TOX2: variants seen among roughly 807,000 people sequenced by gnomAD.
TOX2 encodes TOX high mobility group box family member 2, also known as granulosa cell HMG box 1.
In TOX2, 15 loss-of-function variants were observed where a neutral mutation model predicts 47.4. The observed-to-expected ratio is 0.32, with a 90% CI of 0.21 to 0.49. The LOEUF (loss-of-function observed/expected upper bound fraction) is 0.49. TOX2 is among the 20% of genes least tolerant of loss of function. The pLI, the probability that TOX2 is intolerant of heterozygous loss-of-function variation, is 0.99. For missense variants in TOX2, 622 were observed against 673.1 expected (o/e 0.92, Z 0.84); for synonymous variants, 290 against 296.6 (o/e 0.98, Z 0.23).
At chr20:43,973,454 A>G in intron 2 of TOX2, 22 bp downstream of exon 2, 1 of 1,613,220 alleles carries the variant, frequency 6.2e-7, no homozygotes, top group Non-Finnish European at 8.5e-7. Flanking sequence ...ATCCTCCCTG[A>G]ACGGGTGTCT....
rs1030500806 is a variant in TOX2 at position 43,914,885 on chromosome 20, G to C, written c.-7G>C. 9.8e-7 allele frequency: 1 copy of C among 1,024,850 alleles called. No individual in the cohort carries two copies. Among genetic ancestry groups the C allele is most frequent in the Non-Finnish European group, 1.2e-6 (1 of 858,164 alleles). The allele number at this position is 1,024,850 out of a possible 1,614,324, so 63.5% of individuals were successfully genotyped here. On this transcript the variant is annotated 5_prime_UTR_variant, in exon 1 of 9. Coordinates refer to ENST00000341197, the MANE Select transcript of TOX2 (RefSeq NM_001098797.2). This position sits in a 1 kb window ranked among gnomAD's most constrained non-coding sequence, Gnocchi z 4.5. Reference sequence around the variant, plus strand: ...CGGGAGCCGCCGCCGCCGCCGCCGCGCCCGCCATGGACGTCCGCCTGTACC... The same window carrying C: ...CGGGAGCCGCCGCCGCCGCCGCCGCCCCCGCCATGGACGTCCGCCTGTACC...
intron 4 of TOX2, among the ~76,000 whole-genome samples, chr20:44,052,026 G>A (rs1007559707): frequency 9.2e-5 from 14 of 152,194 alleles, no homozygotes; most frequent in Non-Finnish European, 1.6e-4. Context: ...AGGTGTGGAC[G>A]GCTTCAGCAA....
chr20:43,986,256 A>AATGTATGTATGTATGTATGT (rs11274396), intron 2 of TOX2, among the ~76,000 whole-genome samples: 2,803 of 149,754 alleles, frequency 0.019, 41 homozygotes, highest in African/African-American at 0.031. Context: ...AGCCTTTTAA[A>AATGTATGTATGTATGTATGT]ATGTATGTAT....
chr20:43,947,148 G>A (rs1239280814), intron 1 of TOX2, among the ~76,000 whole-genome samples: 1 of 152,208 alleles, frequency 6.6e-6, no homozygotes, highest in African/African-American at 2.4e-5. Context: ...TAGCTATTGA[G>A]CACCTACTGT....
chr20:44,038,589 A>T (rs1208501988), intron 3 of TOX2, among the ~76,000 whole-genome samples: 8 of 152,160 alleles, frequency 5.3e-5, no homozygotes, highest in Non-Finnish European at 1.0e-4. Context: ...TGGGGGAAAA[A>T]AATTCCACCT....
intron 3 of TOX2, among the ~76,000 whole-genome samples, chr20:44,024,433 G>A (rs117956551): frequency 0.018 from 2,659 of 151,526 alleles, 34 homozygotes; most frequent in Non-Finnish European, 0.029. Flanking sequence ...CTTTCTTTTT[G>A]TAGATGTTTA....
chr20:44,017,696 A>G (rs2070904148), intron 3 of TOX2, among the ~76,000 whole-genome samples: 1 of 152,062 alleles, frequency 6.6e-6, no homozygotes, highest in Non-Finnish European at 1.5e-5. Context: ...ACCTACTTAA[A>G]CCCTTTCTAT....
At chr20:43,994,904 C>T (rs1363547516) in intron 2 of TOX2, among the ~76,000 whole-genome samples, 1 of 152,174 alleles carries the variant, frequency 6.6e-6, no homozygotes, top group South Asian at 2.1e-4. Flanking sequence ...ACAGAGCAGC[C>T]GTGGCTGGCA....
chr20:44,029,671 AC>A (rs1174258635), intron 3 of TOX2, among the ~76,000 whole-genome samples: 6 of 152,184 alleles, frequency 3.9e-5, no homozygotes, highest in Non-Finnish European at 8.8e-5. Flanking sequence ...TGATGGGAAC[AC>A]CTGCCCTCCA....
intron 3 of TOX2, among the ~76,000 whole-genome samples, chr20:44,025,189 T>C (rs977546397): frequency 6.6e-6 from 1 of 151,688 alleles, no homozygotes; most frequent in Non-Finnish European, 1.5e-5. Flanking sequence ...GAGGGTGGGA[T>C]CTCAGGAGAG....
chr20:43,954,723 G>A (rs956502051), intron 1 of TOX2, among the ~76,000 whole-genome samples: 4 of 152,150 alleles, frequency 2.6e-5, no homozygotes, highest in African/African-American at 9.7e-5. Flanking sequence ...CCCACTCCCT[G>A]TGCTGTCTAC....
At chr20:44,025,997 T>A (rs879438704) in intron 3 of TOX2, among the ~76,000 whole-genome samples, 1 of 151,930 alleles carries the variant, frequency 6.6e-6, no homozygotes, top group Admixed American at 6.6e-5. Flanking sequence ...CATAGTCCTC[T>A]GACGTGGCCA....
chr20:43,967,385 AGT>A (rs1247633017), intron 1 of TOX2, among the ~76,000 whole-genome samples: 3 of 152,154 alleles, frequency 2.0e-5, no homozygotes, highest in Non-Finnish European at 2.9e-5. Context: ...TTCCAGAGAA[AGT>A]GTGAATCGAG....
chr20:44,011,056 G>A (rs115889090), intron 3 of TOX2, among the ~76,000 whole-genome samples: 1,810 of 152,096 alleles, frequency 0.012, 36 homozygotes, highest in African/African-American at 0.041. Flanking sequence ...TCTTCACATC[G>A]CCTTCCCTCT....
intron 5 of TOX2, among the ~76,000 whole-genome samples, chr20:44,058,030 G>C (rs1010523837): frequency 6.8e-6 from 1 of 146,710 alleles, no homozygotes; most frequent in African/African-American, 2.7e-5. Flanking sequence ...GCTCCCACTC[G>C]GACAGACAGA....
chr20:43,970,366 TATTG>T (rs1383546515), intron 1 of TOX2, among the ~76,000 whole-genome samples: 13 of 152,352 alleles, frequency 8.5e-5, no homozygotes, highest in African/African-American at 2.4e-4. Context: ...ACCAAATATT[TATTG>T]ATTGTCTACT....
chr20:44,038,720 C>T (rs1384366521), intron 3 of TOX2, among the ~76,000 whole-genome samples: 1 of 151,950 alleles, frequency 6.6e-6, no homozygotes, highest in Admixed American at 6.5e-5. Flanking sequence ...TCGGAGGACG[C>T]AGGGTGGCTG....
At chr20:43,926,206 C>A (rs910108293) in intron 1 of TOX2, among the ~76,000 whole-genome samples, 1 of 152,080 alleles carries the variant, frequency 6.6e-6, no homozygotes, top group Non-Finnish European at 1.5e-5. Flanking sequence ...GGACCCTGGG[C>A]CCTTTATGTC....
At chr20:43,985,565 G>C (rs1197585675) in intron 2 of TOX2, among the ~76,000 whole-genome samples, 6 of 152,222 alleles carry the variant, frequency 3.9e-5, no homozygotes, top group African/African-American at 1.2e-4. Flanking sequence ...AGTAAATTAA[G>C]TGTGTTTATA....
Sources: allele counts gnomAD v4.1 joint callset (sites outside exome capture counted in the v4.1 genomes callset), GRCh38; gene constraint gnomAD v4.1.1; non-coding constraint Gnocchi (gnomAD v3.1); transcripts MANE v1.5; gene names NCBI Gene and HGNC (gene_info 2026-07-23, HGNC 2026-07-21).